Variants in BOK observed in about 807,000 individuals in gnomAD.
BOK encodes the protein bcl-2-related ovarian killer protein.
BOK carries 20 observed loss-of-function variants against 18.3 expected under a neutral mutation model. The observed-to-expected ratio is 1.09, with a 90% CI of 0.77 to 1.59. The LOEUF (loss-of-function observed/expected upper bound fraction) is 1.59, where lower values mean the gene tolerates loss of function less well. Ranked by LOEUF, BOK falls within the 40% of genes most tolerant of loss-of-function variation. The probability of loss-of-function intolerance (pLI) is 0.00; values close to 1 mark genes in which losing one functional copy is unlikely to be tolerated. For synonymous variants in BOK, 173 were observed against 142.4 expected (o/e 1.21, Z -1.53); for missense variants, 348 against 307.9 (o/e 1.13, Z -0.97).
intron 3 of BOK, among the ~76,000 whole-genome samples, chr2:241,569,891 T>C (rs1212886381): frequency 6.6e-6 from 1 of 152,184 alleles, no homozygotes. Flanking sequence ...ACGTTGTCCC[T>C]GCGGCCTCCT....
In BOK at chr2:241,574,064, G is replaced by C. The variant is rs1261447311; in HGVS notation, c.*1642G>C. On this transcript the variant is annotated 3_prime_UTR_variant, in exon 5 of 5. Transcript: ENST00000318407. ...GCGGAAAGCCAGCCCCGGACTCATCGTGACATTGAGATCCCACTGGAGGGT... is the reference window on the plus strand; with the variant it reads ...GCGGAAAGCCAGCCCCGGACTCATCCTGACATTGAGATCCCACTGGAGGGT... 1 of 152,260 alleles carries C rather than the reference G, an allele frequency of 6.6e-6. No individual in the cohort carries two copies. The highest frequency in any genetic ancestry group is 2.1e-4 in the South Asian group (1 of 4,832). 9.4% of individuals were successfully genotyped at this position (152,260 alleles called of 1,614,324 possible).
chr2:241,566,023 G>A (rs540265787), intron 3 of BOK, among the ~76,000 whole-genome samples: 2 of 152,040 alleles, frequency 1.3e-5, no homozygotes, highest in East Asian at 3.9e-4. Context: ...AGTGACTCAC[G>A]CCTGTAATCC....
upstream of BOK, among the ~76,000 whole-genome samples, chr2:241,554,668 G>T (rs962416362): frequency 5.9e-5 from 9 of 152,358 alleles, no homozygotes; most frequent in African/African-American, 1.7e-4. Flanking sequence ...GCCTGAACTT[G>T]TGAGGTATAT....
At position 241,559,650 on chromosome 2, in the gene BOK, C is replaced by T; in HGVS notation, c.167C>T (p.Ala56Val). The change falls in exon 2 of 5, where the codon GCC (alanine) becomes GTC (valine). Residue 56 changes from alanine to valine, a missense_variant. Ala to Val is a moderately conservative substitution (Grantham distance 64). Coordinates refer to ENST00000318407, the MANE Select transcript of BOK (RefSeq NM_032515.5). ...CTCTCCTGGAGCGCGCCCGAGCGTG[C>T]CGCGCCGGTCCCGGGACGCCTGGCT... The part of the protein sequence containing the change: ...AGLSWSAPER[A>V]APVPGRLAEV... 7.2e-7 allele frequency: 1 copy of T among 1,391,706 alleles called. No individual in the cohort carries two copies. Among genetic ancestry groups the T allele is most frequent in the Non-Finnish European group, 9.2e-7 (1 of 1,081,530 alleles). 86.2% of individuals were successfully genotyped at this position (1,391,706 alleles called of 1,614,324 possible). A position where few individuals can be genotyped will look rare whatever the true frequency, so the allele number is the denominator to read the frequency against.
In BOK at chr2:241,551,739, G is replaced by A. The variant is rs73121549; in HGVS notation, n.54+262G>A. Among the ~76,000 whole-genome samples the A allele has an allele frequency of 1.3e-3, 203 of 152,278 alleles. 2 individuals carry two copies. Among genetic ancestry groups the A allele is most frequent in the African/African-American group, 4.5e-3 (189 of 41,566 alleles). ...GGGGAGACCTCAGGGGGGTCCCTCC[G>A]CCCAGGAGGAAGGCTTGCGCTGGCC... On this transcript the variant is annotated intron_variant and non_coding_transcript_variant, in intron 1 of 1. Coordinates refer to the BOK transcript ENST00000641230.
chr2:241,565,528 G>A (rs2066597048), intron 3 of BOK, among the ~76,000 whole-genome samples: 1 of 151,916 alleles, frequency 6.6e-6, no homozygotes. Context: ...TTGCCTCCCT[G>A]CCTGAGGCCC....
intron 1 of BOK, 150 bp from the exon 2 acceptor site, chr2:241,559,305 G>A (rs2066486479): frequency 4.9e-6 from 2 of 409,754 alleles, no homozygotes; most frequent in East Asian, 4.0e-5. Context: ...AGAAGGTGGC[G>A]CTGGGTTTTT....
chr2:241,558,219 CAAT>C (rs1559198462), upstream of BOK, among the ~76,000 whole-genome samples: 1 of 152,040 alleles, frequency 6.6e-6, no homozygotes, highest in African/African-American at 2.4e-5. Flanking sequence ...ACACCATTCA[CAAT>C]AATTAATATG....
intron 3 of BOK, among the ~76,000 whole-genome samples, chr2:241,564,348 G>C (rs2066577484): frequency 6.6e-6 from 1 of 152,200 alleles, no homozygotes; most frequent in Non-Finnish European, 1.5e-5. Context: ...TGGCGCTCCT[G>C]GGGTGGCCTC....
At chr2:241,559,387 C>T (rs888460701) in intron 1 of BOK, 68 bp from the exon 2 acceptor site, 10 of 1,051,600 alleles carry the variant, frequency 9.5e-6, no homozygotes, top group Non-Finnish European at 1.1e-5. Context: ...CCACGCCCAG[C>T]CCGGCGCCCC....
intron 4 of BOK, among the ~76,000 whole-genome samples, chr2:241,571,507 C>T (rs2066719867): frequency 6.6e-6 from 1 of 152,160 alleles, no homozygotes; most frequent in African/African-American, 2.4e-5. Context: ...CTGTGGTCTC[C>T]TCTGAAGGCT....
rs954159102 is a variant in BOK at position 241,572,668 on chromosome 2, T to A, written c.*246T>A. The stretch of plus-strand genomic sequence containing the variant: ...CTCCCCGCTTGTGTCCCTTCTCCTG[T>A]GATCTCTGTGTTTTCCCTTTTCTTT... On this transcript the variant is annotated 3_prime_UTR_variant, in exon 5 of 5. Coordinates refer to ENST00000318407, the MANE Select transcript of BOK (RefSeq NM_032515.5). 5 of 577,048 alleles carry A rather than the reference T, an allele frequency of 8.7e-6. No homozygotes were observed. Among genetic ancestry groups the A allele is most frequent in the Middle Eastern group, 4.7e-4 (1 of 2,134 alleles). The allele number at this position is 577,048 out of a possible 1,614,324, so 35.7% of individuals were successfully genotyped here.
chr2:241,566,302 C>CT (rs369940899), intron 3 of BOK, among the ~76,000 whole-genome samples: 79,851 of 140,920 alleles, frequency 0.57, 22,631 homozygotes, highest in East Asian at 0.67. Context: ...TTTCTTTTTT[C>CT]TTTTTTTTTT....
chr2:241,557,446 A>G (rs1252122614), upstream of BOK, among the ~76,000 whole-genome samples: 2 of 151,350 alleles, frequency 1.3e-5, no homozygotes, highest in Non-Finnish European at 2.9e-5. Context: ...AGTAGCTGGG[A>G]TTACAGACAC....
At chr2:241,565,975 A>T (rs2066604851) in intron 3 of BOK, among the ~76,000 whole-genome samples, 1 of 152,148 alleles carries the variant, frequency 6.6e-6, no homozygotes, top group African/African-American at 2.4e-5. Flanking sequence ...TCTTCTAATT[A>T]TAGTTTTATT....
At chr2:241,570,004 C>A in intron 3 of BOK, 121 bp from the exon 4 acceptor site, 1 of 1,274,380 alleles carries the variant, frequency 7.8e-7, no homozygotes, top group Admixed American at 3.0e-5. Flanking sequence ...CCCCTTGGGA[C>A]GGTCCCTGGT....
intron 3 of BOK, among the ~76,000 whole-genome samples, chr2:241,566,022 C>A (rs185694281): frequency 2.6e-5 from 4 of 152,054 alleles, no homozygotes; most frequent in Non-Finnish European, 2.9e-5. Context: ...CAGTGACTCA[C>A]GCCTGTAATC....
At chr2:241,563,356 T>C (rs764349943) in intron 3 of BOK, among the ~76,000 whole-genome samples, 15 of 152,308 alleles carry the variant, frequency 9.8e-5, no homozygotes, top group South Asian at 4.1e-4. Context: ...TCTGTGACCT[T>C]GGGTCCTGTC....
At position 241,562,327 on chromosome 2, in the gene BOK, C is replaced by T; in HGVS notation, c.221-21C>T. The stretch of plus-strand genomic sequence containing the variant: ...AAGCTGGGACGTGGGCTGCCTCTCA[C>T]CTGCTCTTGTGACCACACAGGCGAT... On this transcript the variant is annotated intron_variant, in intron 2 of 4. Coordinates refer to ENST00000318407, the MANE Select transcript of BOK (RefSeq NM_032515.5). This position sits in a 1 kb window ranked among gnomAD's most constrained non-coding sequence, Gnocchi z 4.5. The T allele has an allele frequency of 1.3e-6, 2 of 1,580,566 alleles. No individual in the cohort carries two copies. The highest frequency in any genetic ancestry group is 1.2e-5 in the South Asian group (1 of 85,526).
Sources: allele counts gnomAD v4.1 joint callset (sites outside exome capture counted in the v4.1 genomes callset), GRCh38; gene constraint gnomAD v4.1.1; non-coding constraint Gnocchi (gnomAD v3.1); transcripts MANE v1.5; gene names NCBI Gene and HGNC (gene_info 2026-07-23, HGNC 2026-07-21).